The following CSPG4 variants were observed in gnomAD, a reference collection of about 807,000 sequenced individuals.
CSPG4 encodes the protein chondroitin sulfate proteoglycan 4 (melanoma-associated).
CSPG4 carries 74 observed loss-of-function variants against 139.3 expected under a neutral mutation model. The ratio of observed to expected loss-of-function variants is 0.53; its 90% confidence interval spans 0.44 to 0.64. The LOEUF is 0.64. Ranked by LOEUF, CSPG4 falls within the 30% of genes least tolerant of loss-of-function variation. CSPG4 has a pLI of 0.00. For synonymous variants in CSPG4, 1,234 were observed against 1,394.2 expected (o/e 0.89, Z 2.56); for missense variants, 2,565 against 3,148.3 (o/e 0.81, Z 4.43).
rs1271790292 is a variant in CSPG4, at chr15:75,676,368, C to T, written c.6151G>A (p.Ala2051Thr). 8.1e-6 allele frequency: 13 copies of T among 1,613,276 alleles called. No homozygotes were observed. The highest frequency in any genetic ancestry group is 1.1e-5 in the Non-Finnish European group (13 of 1,180,034). Reference protein sequence around the residue: ...VTVRALLHVWAGGPWPQGATL... With the variant: ...VTVRALLHVWTGGPWPQGATL... ...GCACCCTGGGGCCATGGCCCACCTG[C>T]CCACACATGCAGCAGAGCCCTCACA... The change falls in exon 10 of 10, where the codon GCA becomes ACA. Residue 2051 changes from alanine to threonine, a missense_variant. This residue lies in a region of CSPG4 where 2,316 missense variants were observed against 2,818.2 expected (regional missense o/e 0.82). Coordinates refer to ENST00000308508, the MANE Select transcript of CSPG4 (RefSeq NM_001897.5).
In CSPG4 at chr15:75,683,078, C is replaced by A. The variant is rs370926278; in HGVS notation, c.4450-37G>T. On this transcript the variant is annotated intron_variant, in intron 5 of 9. Transcript: ENST00000308508. ...GGCCTGTGAAGGTTCTGCCTTGCCG[C>A]ACTCACCCACCCCTTCCTCCCCGGC... 3 of 1,584,094 alleles carry A rather than the reference C, an allele frequency of 1.9e-6. No individual in the cohort carries two copies. In the East Asian group the frequency reaches 6.8e-5, roughly 36 times the overall value.
rs1056260178 is a variant in CSPG4 at position 75,677,997 on chromosome 15, G to T, written c.4951-111C>A. On this transcript the variant is annotated intron_variant, in intron 8 of 9. Transcript: ENST00000308508. The stretch of plus-strand genomic sequence containing the variant: ...TCTGGGCTCTCCTGGGTGTGCCCAG[G>T]TCTGTGCGTGTGACCCGCTGTCTCC... 18 of 948,676 alleles carry T rather than the reference G, an allele frequency of 1.9e-5. No homozygotes were observed. In the African/African-American group the frequency reaches 2.7e-4, roughly 14 times the overall value. The allele number at this position is 948,676 out of a possible 1,614,324, so 58.8% of individuals were successfully genotyped here. A position where few individuals can be genotyped will look rare whatever the true frequency, so the allele number is the denominator to read the frequency against.
rs1201289997 is a variant in CSPG4 at position 75,698,579 on chromosome 15, A to C, written c.89-5346T>G. Reference sequence around the variant, plus strand: ...ATGTGGGTCAGTGTCACATGTACACACGTGTGTGGCGGCAAGGCAGGCGAG... The same window carrying C: ...ATGTGGGTCAGTGTCACATGTACACCCGTGTGTGGCGGCAAGGCAGGCGAG... On this transcript the variant is annotated intron_variant, in intron 1 of 9. Coordinates refer to ENST00000308508, the MANE Select transcript of CSPG4 (RefSeq NM_001897.5). The surrounding 1 kb of genome is among the most constrained non-coding windows in gnomAD (Gnocchi z 4.3). Among the ~76,000 whole-genome samples the C allele has an allele frequency of 6.6e-6, 1 of 152,018 alleles. No individual in the cohort carries two copies. The highest frequency in any genetic ancestry group is 1.5e-5 in the Non-Finnish European group (1 of 67,982).
chr15:75,675,092 C>T lies in CSPG4; in HGVS notation c.*458G>A. The T allele has an allele frequency of 5.7e-6, 2 of 351,728 alleles. No individual in the cohort carries two copies. Among genetic ancestry groups the T allele is most frequent in the East Asian group, 8.4e-5 (2 of 23,930 alleles). 21.8% of individuals were successfully genotyped at this position (351,728 alleles called of 1,614,324 possible). On this transcript the variant is annotated 3_prime_UTR_variant, in exon 10 of 10. Coordinates refer to ENST00000308508, the MANE Select transcript of CSPG4 (RefSeq NM_001897.5). ...TTTTTTCTCAACTCTGGGGCAGAGA[C>T]AAAGGGTGGCCTGGGTTGGAGTGGA...
At chr15:75,697,510 G>A (rs543557846) in intron 1 of CSPG4, among the ~76,000 whole-genome samples, 12 of 152,356 alleles carry the variant, frequency 7.9e-5, no homozygotes, top group African/African-American at 2.9e-4. Context: ...AGATCCAGCA[G>A]GTCCCAGCAC....
chr15:75,688,086 C>T lies in CSPG4; in HGVS notation c.2979G>A (p.Glu993=). 1 of 1,612,844 alleles carries T rather than the reference C, an allele frequency of 6.2e-7. No homozygotes were observed. Residue 993 remains glutamate, a synonymous_variant, in exon 3 of 10, where the codon GAG becomes GAA. Transcript: ENST00000308508. ...CCTCCCAGGCCATGTCACCACTGCT[C>T]TCGCCCTGGCGGGTAGCAACAAATG... ...DIPFVATRQG[E]SSGDMAWEEV... is the part of the protein sequence containing the mutation.
Position 75,690,106 on chromosome 15 carries a change from C to A in CSPG4, c.959G>T (p.Gly320Val), listed in dbSNP as rs1448320153. Residue 320 changes from glycine to valine, a missense_variant, in exon 3 of 10, where the codon GGC (glycine) becomes GTC (valine). Coordinates refer to ENST00000308508, the MANE Select transcript of CSPG4 (RefSeq NM_001897.5). ...ATCCAGCCCCCCGAGAAGGAGACTGCCCCGTGGCTCCAGGTAGCTGAGGAC... is the reference window on the plus strand; with the variant it reads ...ATCCAGCCCCCCGAGAAGGAGACTGACCCGTGGCTCCAGGTAGCTGAGGAC... ...RGVLSYLEPR[G>V]SLLLGGLDAE... 2 of 1,612,514 alleles carry A rather than the reference C, an allele frequency of 1.2e-6. No individual in the cohort carries two copies. Among genetic ancestry groups the A allele is most frequent in the Admixed American group, 1.7e-5 (1 of 59,936 alleles).
At chr15:75,684,684 G>A (rs1449408219) in intron 5 of CSPG4, 52 bp downstream of exon 5, 6 of 1,562,906 alleles carry the variant, frequency 3.8e-6, no homozygotes, top group South Asian at 3.4e-5. Context: ...AGTAGGGGAC[G>A]CTGGCCTCTT....
At position 75,685,570 on chromosome 15, in the gene CSPG4, G is replaced by C. The variant is rs1469794360; in HGVS notation, c.3921C>G (p.Ser1307Arg). The change falls in exon 4 of 10, where the codon AGC becomes AGG. Residue 1307 changes from serine to arginine, a missense_variant. By Grantham distance (110) the Ser-to-Arg change is moderately radical. Transcript: ENST00000308508. The stretch of plus-strand genomic sequence containing the variant: ...CTGTGTCCACTGCCTCCTGGGAGAA[G>C]CTCTGCACAGGGTCCAGGCTGGGTG... ...DEPPSLDPVQ[S>R]FSQEAVDTGR... The C allele has an allele frequency of 6.2e-7, 1 of 1,608,612 alleles. No individual in the cohort carries two copies. Among genetic ancestry groups the C allele is most frequent in the African/African-American group, 1.3e-5 (1 of 74,996 alleles).
At chr15:75,699,568 C>T (rs1201845471) in intron 1 of CSPG4, among the ~76,000 whole-genome samples, 2 of 152,168 alleles carry the variant, frequency 1.3e-5, no homozygotes, top group Non-Finnish European at 2.9e-5. Context: ...TGAGCTTGGT[C>T]CACAGAGGCT....
chr15:75,675,757 C>G lies in CSPG4; in HGVS notation c.6762G>C (p.Lys2254Asn). ...TGGCAGTCAGGACCTGGACGTCATG[C>G]TTGCCCGTCTTGTTGCGTTTTCGGA... ...FYLRKRNKTG[K>N]HDVQVLTAKP... Residue 2254 changes from lysine to asparagine, a missense_variant, in exon 10 of 10, where the codon AAG (lysine) becomes AAC (asparagine). By Grantham distance (94) the Lys-to-Asn change is moderately conservative. Coordinates refer to ENST00000308508, the MANE Select transcript of CSPG4 (RefSeq NM_001897.5). The G allele has an allele frequency of 6.2e-7, 1 of 1,611,438 alleles. No individual in the cohort carries two copies. Among genetic ancestry groups the G allele is most frequent in the East Asian group, 2.2e-5 (1 of 44,840 alleles).
At chr15:75,697,682 G>A (rs1346133313) in intron 1 of CSPG4, among the ~76,000 whole-genome samples, 3 of 152,188 alleles carry the variant, frequency 2.0e-5, no homozygotes, top group Non-Finnish European at 4.4e-5. Flanking sequence ...GTCTGCTGCT[G>A]CCTGACTTTA....
At chr15:75,686,272 T>TGC (rs1894055802) in intron 3 of CSPG4, among the ~76,000 whole-genome samples, 1 of 151,832 alleles carries the variant, frequency 6.6e-6, no homozygotes, top group African/African-American at 2.4e-5. Flanking sequence ...CATGCGTGTG[T>TGC]GCACACACAC....
At chr15:75,712,625 T>C in intron 1 of CSPG4, 43 bp downstream of exon 1, 3 of 1,524,872 alleles carry the variant, frequency 2.0e-6, no homozygotes, top group Non-Finnish European at 2.7e-6. Flanking sequence ...GGAACCCCTC[T>C]AGTTCCGCCA....
intron 1 of CSPG4, among the ~76,000 whole-genome samples, chr15:75,709,654 C>T (rs1894419882): frequency 6.6e-6 from 1 of 152,214 alleles, no homozygotes; most frequent in East Asian, 1.9e-4. Flanking sequence ...AAGGCTATTT[C>T]CAACTCCCCC....
At chr15:75,704,567 G>C (rs1201029998) in intron 1 of CSPG4, among the ~76,000 whole-genome samples, 1 of 152,196 alleles carries the variant, frequency 6.6e-6, no homozygotes, top group Non-Finnish European at 1.5e-5. Context: ...CTGTGGAGAA[G>C]AGTCACCTCT....
chr15:75,705,794 G>A (rs899332677), intron 1 of CSPG4, among the ~76,000 whole-genome samples: 2 of 152,206 alleles, frequency 1.3e-5, no homozygotes, highest in Non-Finnish European at 2.9e-5. Context: ...CCCAAAAAGG[G>A]TGATTTGCTC....
chr15:75,705,753 G>T (rs1398585708), intron 1 of CSPG4, among the ~76,000 whole-genome samples: 1 of 152,184 alleles, frequency 6.6e-6, no homozygotes, highest in Non-Finnish European at 1.5e-5. Flanking sequence ...GAGGGGCAGG[G>T]GAGGGGCTCC....
chr15:75,690,555 G>C lies in CSPG4; in HGVS notation c.510C>G (p.Leu170=). The part of the protein sequence containing the change: ...RGTSRPLRGC[L]HAATLNGRSL... ...TGCGGCCATTGAGGGTGGCTGCATG[G>C]AGGCAACCCCTCAGGGGTCGGCTGG... Residue 170 remains leucine (L), a synonymous_variant, in exon 3 of 10, where the codon CTC becomes CTG. Coordinates refer to ENST00000308508, the MANE Select transcript of CSPG4 (RefSeq NM_001897.5). 6.2e-7 allele frequency: 1 copy of C among 1,609,336 alleles called. No individual in the cohort carries two copies.
Sources: allele counts gnomAD v4.1 joint callset (sites outside exome capture counted in the v4.1 genomes callset), GRCh38; gene constraint gnomAD v4.1.1; regional missense constraint gnomAD v4.1.1; non-coding constraint Gnocchi (gnomAD v3.1); transcripts MANE v1.5; gene names NCBI Gene and HGNC (gene_info 2026-07-23, HGNC 2026-07-21).